MCUB: variants seen among roughly 807,000 people sequenced by gnomAD.
The protein encoded by MCUB is calcium uniporter regulatory subunit MCUb, mitochondrial.
MCUB carries 46 observed loss-of-function variants against 41.4 expected under a neutral mutation model. The observed-to-expected ratio is 1.11, with a 90% CI of 0.88 to 1.42. MCUB has a LOEUF of 1.42. Among genes scored for constraint, MCUB ranks in the 40% most tolerant of loss-of-function variants. MCUB has a pLI of 0.00. For missense variants in MCUB, 403 were observed against 404.9 expected, an observed-to-expected ratio of 1.00 and a Z score of 0.04; for synonymous variants, 148 against 148.2, an observed-to-expected ratio of 1.00 and a Z score of 0.01.
intron 1 of MCUB, among the ~76,000 whole-genome samples, chr4:109,564,445 T>C (rs996230446): frequency 2.0e-5 from 3 of 152,192 alleles, no homozygotes; most frequent in African/African-American, 7.2e-5. Flanking sequence ...GCTGGCTATA[T>C]GCATTTCAAG....
At chr4:109,630,452 A>G in intron 1 of MCUB, among the ~76,000 whole-genome samples, 1 of 151,976 alleles carries the variant, frequency 6.6e-6, no homozygotes, top group East Asian at 1.9e-4. Context: ...ACACAGTGAG[A>G]CCCCATCTCT....
chr4:109,599,069 A>G (rs2126130571), intron 1 of MCUB, among the ~76,000 whole-genome samples: 1 of 152,328 alleles, frequency 6.6e-6, no homozygotes, highest in African/African-American at 2.4e-5. Context: ...ATCTGGGGAA[A>G]AAAGGTGAAA....
chr4:109,563,360 A>G (rs368341095), intron 1 of MCUB, among the ~76,000 whole-genome samples: 3 of 152,222 alleles, frequency 2.0e-5, no homozygotes, highest in East Asian at 3.8e-4. Flanking sequence ...ATGGATGTTT[A>G]AATTCCACCA....
At chr4:109,666,840 T>G (rs1003950834) in intron 4 of MCUB, among the ~76,000 whole-genome samples, 1 of 152,186 alleles carries the variant, frequency 6.6e-6, no homozygotes, top group African/African-American at 2.4e-5. Flanking sequence ...TCTGCATCTA[T>G]TGATATTATC....
chr4:109,632,615 CT>C (rs33926597), intron 1 of MCUB, among the ~76,000 whole-genome samples: 88 of 116,968 alleles, frequency 7.5e-4, no homozygotes, highest in Non-Finnish European at 1.0e-3. Flanking sequence ...TCTGTCATTG[CT>C]TTTTTTTTTT....
At chr4:109,633,278 T>A (rs7683450) in intron 1 of MCUB, among the ~76,000 whole-genome samples, 19,929 of 151,970 alleles carry the variant, frequency 0.13, 1,376 homozygotes, top group South Asian at 0.2. Context: ...TATTATTATT[T>A]TTTTTTTGAG....
chr4:109,631,210 C>T (rs1444848452), intron 1 of MCUB, among the ~76,000 whole-genome samples: 2 of 152,172 alleles, frequency 1.3e-5, no homozygotes, highest in Non-Finnish European at 2.9e-5. Context: ...ACAATCTGTA[C>T]AGTTCTGTTT....
rs547021616 is a variant in MCUB at position 109,658,420 on chromosome 4, C to T, written c.100-591C>T. On this transcript the variant is annotated intron_variant, in intron 1 of 7. Transcript: ENST00000394650. ...TCAAGTGATTCTCCTGCCTCAGCCT[C>T]GCGAGTAGCTGGGATTACAGGCATG... 6.1e-4 allele frequency among the ~76,000 whole-genome samples: 93 copies of T among 152,160 alleles called. 1 individual carries two copies. The highest frequency in any genetic ancestry group is 1.9e-3 in the African/African-American group (79 of 41,508).
intron 1 of MCUB, among the ~76,000 whole-genome samples, chr4:109,640,854 A>G (rs1391183917): frequency 1.3e-5 from 2 of 152,144 alleles, no homozygotes; most frequent in African/African-American, 4.8e-5. Flanking sequence ...TGCATTCACT[A>G]CCTGGTTAAC....
At chr4:109,667,444 T>A (rs565738784) in intron 4 of MCUB, among the ~76,000 whole-genome samples, 1 of 152,032 alleles carries the variant, frequency 6.6e-6, no homozygotes, top group South Asian at 2.1e-4. Flanking sequence ...CTCATTTCAT[T>A]TCTACCATGA....
chr4:109,665,788 A>G (rs1729331495), intron 4 of MCUB, among the ~76,000 whole-genome samples: 1 of 152,284 alleles, frequency 6.6e-6, no homozygotes, highest in South Asian at 2.1e-4. Context: ...TAGCCTTTTC[A>G]GATTCGCTTC....
intron 1 of MCUB, among the ~76,000 whole-genome samples, chr4:109,567,526 T>C (rs1402060507): frequency 6.5e-5 from 7 of 107,406 alleles, no homozygotes; most frequent in Admixed American, 1.2e-4. Context: ...TACAAAAAAT[T>C]AGCCAGACAT....
At chr4:109,582,780 T>C (rs1051083571) in intron 1 of MCUB, among the ~76,000 whole-genome samples, 2 of 152,214 alleles carry the variant, frequency 1.3e-5, no homozygotes, top group Non-Finnish European at 2.9e-5. Context: ...TTCAGCTTTC[T>C]ACATATAGCT....
intron 4 of MCUB, among the ~76,000 whole-genome samples, chr4:109,680,584 C>G (rs1046377391): frequency 4.0e-5 from 6 of 151,292 alleles, no homozygotes; most frequent in African/African-American, 1.5e-4. Context: ...CAAAAGGACT[C>G]TGACTCTTCT....
chr4:109,645,270 C>CTG (rs2126141289), intron 1 of MCUB, among the ~76,000 whole-genome samples: 1 of 152,160 alleles, frequency 6.6e-6, no homozygotes, highest in South Asian at 2.1e-4. Context: ...TACAACTGAA[C>CTG]TGTCACTAAG....
intron 4 of MCUB, among the ~76,000 whole-genome samples, chr4:109,678,755 G>T: frequency 6.7e-6 from 1 of 149,660 alleles, no homozygotes; most frequent in Admixed American, 6.6e-5. Context: ...GGGGCGGCCG[G>T]GCAGAGGTGC....
At chr4:109,568,371 C>A (rs1007423084) in intron 1 of MCUB, among the ~76,000 whole-genome samples, 2 of 152,180 alleles carry the variant, frequency 1.3e-5, no homozygotes, top group African/African-American at 4.8e-5. Context: ...GCCATGGCCT[C>A]ATCCCTCCAG....
chr4:109,611,739 TA>T (rs968337142), intron 1 of MCUB, among the ~76,000 whole-genome samples: 1 of 151,964 alleles, frequency 6.6e-6, no homozygotes, highest in Admixed American at 6.6e-5. Context: ...TTCTCTCTGT[TA>T]AAAAAAAGGC....
intron 1 of MCUB, among the ~76,000 whole-genome samples, chr4:109,579,212 C>A (rs973887814): frequency 2.6e-5 from 4 of 151,672 alleles, no homozygotes; most frequent in African/African-American, 9.7e-5. Flanking sequence ...TTTCTTTTTC[C>A]TCCATAGCAT....
Sources: allele counts gnomAD v4.1 joint callset (sites outside exome capture counted in the v4.1 genomes callset), GRCh38; gene constraint gnomAD v4.1.1; transcripts MANE v1.5; gene names NCBI Gene and HGNC (gene_info 2026-07-23, HGNC 2026-07-21).